ERVMER34-1: variants seen among roughly 807,000 people sequenced by gnomAD.
ERVMER34-1 encodes the protein endogenous retroviral envelope protein HEMO.
For missense variants in ERVMER34-1, 471 were observed against 295.1 expected (o/e 1.60, Z -4.37); for synonymous variants, 199 against 111.7 (o/e 1.78, Z -4.93).
In ERVMER34-1 at chr4:52,743,908, A is replaced by T. The variant is rs921288904; in HGVS notation, c.1613T>A (p.Val538Asp). Residue 538 changes from valine to aspartate, a missense_variant, in exon 3 of 3, where the codon GTC becomes GAC. Coordinates refer to ENST00000443173, the MANE Select transcript of ERVMER34-1 (RefSeq NM_001242690.2). ...LSPQQSAQLL[V>D]SETSCQVSNR... ...TGAAACTTGACATGAAGTTTCACTG[A>T]CAAGGAGCTGTGCTGATTGCTGTGG... 4.0e-5 allele frequency: 58 copies of T among 1,438,236 alleles called. No homozygotes were observed. The highest frequency in any genetic ancestry group is 7.9e-5 in the Admixed American group (4 of 50,644). The allele number at this position is 1,438,236 out of a possible 1,614,324, so 89.1% of individuals were successfully genotyped here. A position where few individuals can be genotyped will look rare whatever the true frequency, so the allele number is the denominator to read the frequency against.
intron 2 of ERVMER34-1, chr4:52,748,228 G>A (rs1478505284): frequency 1.4e-5 from 3 of 220,852 alleles, no homozygotes; most frequent in African/African-American, 2.3e-5. Flanking sequence ...CTCCTCTTTG[G>A]AGGAGCTAGA....
Position 52,744,783 on chromosome 4 carries a change from G to A in ERVMER34-1, c.738C>T (p.Asn246=). 1 of 704,130 alleles carries A rather than the reference G, an allele frequency of 1.4e-6. No homozygotes were observed. Among genetic ancestry groups the A allele is most frequent in the Non-Finnish European group, 2.6e-6 (1 of 385,000 alleles). The allele number at this position is 704,130 out of a possible 1,614,324, so 43.6% of individuals were successfully genotyped here. A position where few individuals can be genotyped will look rare whatever the true frequency, so the allele number is the denominator to read the frequency against. Residue 246 remains asparagine (N), a synonymous_variant, in exon 3 of 3, where the codon AAC becomes AAT. Transcript: ENST00000443173. ...TKGLLYQLFR[N]LFCSYGLTEA... ...CTGTCAGGCCATAAGAGCAAAATAG[G>A]TTGCGAAATAGCTGGTACAGAAGGC... is the stretch of plus-strand genomic sequence containing the variant.
At chr4:52,750,060 G>T (rs1716247417) in intron 2 of ERVMER34-1, among the ~76,000 whole-genome samples, 1 of 152,148 alleles carries the variant, frequency 6.6e-6, no homozygotes, top group African/African-American at 2.4e-5. Flanking sequence ...GTGCAGTGGT[G>T]CGATCTCCGC....
chr4:52,745,261 A>G lies in ERVMER34-1; in HGVS notation c.260T>C (p.Val87Ala), dbSNP rs1212088511. Residue 87 changes from valine (V) to alanine (A), a missense_variant, in exon 3 of 3, where the codon GTA becomes GCA. Transcript: ENST00000443173. ...YERVWYPQAE[V>A]QNHSTSSYRK... ...ATAGGAGGAAGTAGAGTGATTCTGT[A>G]CTTCTGCTTGTGGATACCACACCCT... The G allele has an allele frequency of 2.8e-6, 2 of 703,876 alleles. No individual in the cohort carries two copies. The highest frequency in any genetic ancestry group is 3.5e-5 in the African/African-American group (2 of 57,196). 43.6% of individuals were successfully genotyped at this position (703,876 alleles called of 1,614,324 possible). A position where few individuals can be genotyped will look rare whatever the true frequency, so the allele number is the denominator to read the frequency against.
intron 2 of ERVMER34-1, among the ~76,000 whole-genome samples, chr4:52,749,651 A>G (rs1008569022): frequency 3.3e-5 from 5 of 151,916 alleles, no homozygotes; most frequent in African/African-American, 1.2e-4. Flanking sequence ...AAAAAATACA[A>G]AAATTAGCCA....
At position 52,743,864 on chromosome 4, in the gene ERVMER34-1, G is replaced by A. The variant is rs1716072872; in HGVS notation, c.1657C>T (p.Leu553=). The part of the protein sequence containing the change: ...CQVSNRAMKG[L]TTHQYDTSLL ...CTTGTGTCATATTGATGGGTTGTTAGTCCCTTCATTGCCCTATTTGAAACT... is the reference window on the plus strand; with the variant it reads ...CTTGTGTCATATTGATGGGTTGTTAATCCCTTCATTGCCCTATTTGAAACT... Residue 553 remains leucine, a synonymous_variant, in exon 3 of 3, where the codon CTA becomes TTA. Transcript: ENST00000443173. 1 of 1,521,346 alleles carries A rather than the reference G, an allele frequency of 6.6e-7. No individual in the cohort carries two copies. Among genetic ancestry groups the A allele is most frequent in the South Asian group, 1.2e-5 (1 of 81,604 alleles). The allele number at this position is 1,521,346 out of a possible 1,614,324, so 94.2% of individuals were successfully genotyped here.
rs1716050750 is a variant in ERVMER34-1, at chr4:52,742,820, G to C, written c.*1009C>G. ...GTAGTCCCAGCTACTCAGGAGGGAG[G>C]CAGGAGAATGGCATGAACCCAAGGG... On this transcript the variant is annotated 3_prime_UTR_variant, in exon 3 of 3. Coordinates refer to ENST00000443173, the MANE Select transcript of ERVMER34-1 (RefSeq NM_001242690.2). 6.6e-6 allele frequency: 1 copy of C among 151,508 alleles called. No individual in the cohort carries two copies. Among genetic ancestry groups the C allele is most frequent in the South Asian group, 2.1e-4 (1 of 4,766 alleles). 9.4% of individuals were successfully genotyped at this position (151,508 alleles called of 1,614,324 possible).
chr4:52,750,303 C>A (rs888738844), intron 2 of ERVMER34-1, among the ~76,000 whole-genome samples: 1 of 152,150 alleles, frequency 6.6e-6, no homozygotes. Context: ...CCTACCCCCC[C>A]ATAGATTCTC....
chr4:52,748,147 A>G, intron 2 of ERVMER34-1: 1 of 196,642 alleles, frequency 5.1e-6, no homozygotes, highest in Non-Finnish European at 1.0e-5. Context: ...TGCCCCTTTT[A>G]AGGTTGACAC....
Position 52,743,831 on chromosome 4 carries a change from A to G in ERVMER34-1, c.1690T>C (p.Ter564ArgextTer15). Residue 564 changes from the stop codon to arginine, a stop_lost, in exon 3 of 3, where the codon TGA becomes CGA. Transcript: ENST00000443173. Reference sequence around the variant, plus strand: ...AGCTGCTGTTTGTTCAGATATTCTCAAAGTAGACTTGTGTCATATTGATGG... The same window carrying G: ...AGCTGCTGTTTGTTCAGATATTCTCGAAGTAGACTTGTGTCATATTGATGG... Reference protein sequence around the residue: ...TTHQYDTSLL* With the variant: ...TTHQYDTSLLR The G allele has an allele frequency of 6.8e-7, 1 of 1,478,516 alleles. No individual in the cohort carries two copies. Among genetic ancestry groups the G allele is most frequent in the Non-Finnish European group, 8.9e-7 (1 of 1,120,872 alleles). 91.6% of individuals were successfully genotyped at this position (1,478,516 alleles called of 1,614,324 possible).
At chr4:52,747,329 C>T (rs1716179226) in intron 2 of ERVMER34-1, among the ~76,000 whole-genome samples, 1 of 152,156 alleles carries the variant, frequency 6.6e-6, no homozygotes, top group African/African-American at 2.4e-5. Context: ...AAGGGGCCAA[C>T]CAGGAGCATG....
In ERVMER34-1 at chr4:52,743,904, A is replaced by G; in HGVS notation, c.1617T>C (p.Ser539=). The part of the protein sequence containing the change: ...SPQQSAQLLV[S]ETSCQVSNRA... ...TATTTGAAACTTGACATGAAGTTTC[A>G]CTGACAAGGAGCTGTGCTGATTGCT... The change falls in exon 3 of 3, where the codon AGT becomes AGC. Residue 539 remains serine, a synonymous_variant. Coordinates refer to ENST00000443173, the MANE Select transcript of ERVMER34-1 (RefSeq NM_001242690.2). 1 of 1,452,338 alleles carries G rather than the reference A, an allele frequency of 6.9e-7. No individual in the cohort carries two copies. Among genetic ancestry groups the G allele is most frequent in the Non-Finnish European group, 9.3e-7 (1 of 1,070,858 alleles). The allele number at this position is 1,452,338 out of a possible 1,614,324, so 90.0% of individuals were successfully genotyped here.
In ERVMER34-1 at chr4:52,744,088, C is replaced by G; in HGVS notation, c.1433G>C (p.Gly478Ala). Residue 478 changes from glycine (G) to alanine (A), a missense_variant, in exon 3 of 3, where the codon GGC (glycine) becomes GCC (alanine). Gly to Ala is a moderately conservative substitution (Grantham distance 60). Transcript: ENST00000443173. The part of the protein sequence containing the change: ...LKNVPLLDWQ[G>A]IFAKVGDWFR... ...CCAGTCTCCCACTTTTGCAAATATG[C>G]CTTGCCAATCAAGTAACGGTACATT... 1.4e-6 allele frequency: 1 copy of G among 704,236 alleles called. No individual in the cohort carries two copies. The highest frequency in any genetic ancestry group is 2.6e-6 in the Non-Finnish European group (1 of 385,118). The allele number at this position is 704,236 out of a possible 1,614,324, so 43.6% of individuals were successfully genotyped here.
rs1260330777 is a variant in ERVMER34-1 at position 52,745,067 on chromosome 4, CA to C, written c.453del (p.Phe151LeufsTer12). On this transcript the variant is annotated frameshift_variant, in exon 3 of 3. Transcript: ENST00000443173. LOFTEE classifies it low-confidence loss of function (END_TRUNC). The part of the protein sequence containing the change: ...PKQYCNQILW[F>X]DSTDGTFMPS... ...GGCATGAAGGTGCCATCTGTAGAAT[CA>C]AACCATAGTATTTGATTACAGTATT... The C allele has an allele frequency of 8.5e-6, 6 of 704,016 alleles. No homozygotes were observed. The highest frequency in any genetic ancestry group is 1.3e-5 in the Non-Finnish European group (5 of 385,014). The allele number at this position is 704,016 out of a possible 1,614,324, so 43.6% of individuals were successfully genotyped here. A position where few individuals can be genotyped will look rare whatever the true frequency, so the allele number is the denominator to read the frequency against.
intron 2 of ERVMER34-1, among the ~76,000 whole-genome samples, chr4:52,749,568 G>A (rs549504659): frequency 4.9e-4 from 75 of 152,252 alleles, no homozygotes; most frequent in African/African-American, 1.2e-3. Flanking sequence ...TTGGGAGGCC[G>A]AGGTAGGGCA....
chr4:52,744,956 C>A lies in ERVMER34-1; in HGVS notation c.565G>T (p.Gly189Cys). ...CTGTTCCAGGTCCGGTTTGTGCAAC[C>A]TGCAAACCAGGAACATTGTCTAGTG... Reference protein sequence around the residue: ...LGTRQCSWFAGCTNRTWNSSA... With the variant: ...LGTRQCSWFACCTNRTWNSSA... Residue 189 changes from glycine (G) to cysteine (C), a missense_variant, in exon 3 of 3, where the codon GGT (glycine) becomes TGT (cysteine). Coordinates refer to ENST00000443173, the MANE Select transcript of ERVMER34-1 (RefSeq NM_001242690.2). 1 of 704,126 alleles carries A rather than the reference C, an allele frequency of 1.4e-6. No individual in the cohort carries two copies. The highest frequency in any genetic ancestry group is 2.6e-6 in the Non-Finnish European group (1 of 385,016). 43.6% of individuals were successfully genotyped at this position (704,126 alleles called of 1,614,324 possible).
At position 52,744,681 on chromosome 4, in the gene ERVMER34-1, G is replaced by C. The variant is rs759046919; in HGVS notation, c.840C>G (p.Thr280=). The C allele has an allele frequency of 1.2e-4, 88 of 704,052 alleles. No individual in the cohort carries two copies. In the Admixed American group the frequency reaches 1.7e-3, roughly 14 times the overall value. The allele number at this position is 704,052 out of a possible 1,614,324, so 43.6% of individuals were successfully genotyped here. ...TCAGATTGGAACCTGTGAGCCACCAGGTGGGGGTCCGGTGTCCATCATGAC... is the reference window on the plus strand; with the variant it reads ...TCAGATTGGAACCTGTGAGCCACCACGTGGGGGTCCGGTGTCCATCATGAC... The part of the protein sequence containing the change: ...DKGHDGHRTP[T]WWLTGSNLTL... Residue 280 remains threonine, a synonymous_variant, in exon 3 of 3, where the codon ACC becomes ACG. Transcript: ENST00000443173.
chr4:52,745,056 A>T lies in ERVMER34-1; in HGVS notation c.465T>A (p.Asp155Glu). Residue 155 changes from aspartate to glutamate, a missense_variant, in exon 3 of 3, where the codon GAT becomes GAA. By Grantham distance (45) the Asp-to-Glu change is conservative. Coordinates refer to ENST00000443173, the MANE Select transcript of ERVMER34-1 (RefSeq NM_001242690.2). Reference sequence around the variant, plus strand: ...CATCTATAGAGGGCATGAAGGTGCCATCTGTAGAATCAAACCATAGTATTT... The same window carrying T: ...CATCTATAGAGGGCATGAAGGTGCCTTCTGTAGAATCAAACCATAGTATTT... ...CNQILWFDST[D>E]GTFMPSIDVT... The T allele has an allele frequency of 1.4e-6, 1 of 704,206 alleles. No homozygotes were observed. Among genetic ancestry groups the T allele is most frequent in the Non-Finnish European group, 2.6e-6 (1 of 385,016 alleles). 43.6% of individuals were successfully genotyped at this position (704,206 alleles called of 1,614,324 possible).
rs1560435915 is a variant in ERVMER34-1 at position 52,743,845 on chromosome 4, T to C, written c.1676A>G (p.Asp559Gly). The change falls in exon 3 of 3, where the codon GAC becomes GGC. Residue 559 changes from aspartate (D) to glycine (G), a missense_variant. By Grantham distance (94) the Asp-to-Gly change is moderately conservative. Transcript: ENST00000443173. ...CAGATATTCTCAAAGTAGACTTGTG[T>C]CATATTGATGGGTTGTTAGTCCCTT... ...AMKGLTTHQY[D>G]TSLL The C allele has an allele frequency of 6.7e-7, 1 of 1,497,594 alleles. No individual in the cohort carries two copies. The allele number at this position is 1,497,594 out of a possible 1,614,324, so 92.8% of individuals were successfully genotyped here. A position where few individuals can be genotyped will look rare whatever the true frequency, so the allele number is the denominator to read the frequency against.
Sources: allele counts gnomAD v4.1 joint callset (sites outside exome capture counted in the v4.1 genomes callset), GRCh38; gene constraint gnomAD v4.1.1; transcripts MANE v1.5; gene names NCBI Gene and HGNC (gene_info 2026-07-23, HGNC 2026-07-21).